Variants in NBEA observed in about 807,000 individuals in gnomAD.
The protein encoded by NBEA is lysosomal-trafficking regulator 2.
In NBEA, 44 loss-of-function variants were observed where a neutral mutation model predicts 343.4. The observed-to-expected ratio is 0.13, with a 90% CI of 0.10 to 0.16. NBEA has a LOEUF of 0.16. Among genes scored for constraint, NBEA ranks in the 10% least tolerant of loss-of-function variants. NBEA has a pLI of 1.00. For synonymous variants in NBEA, 1,175 were observed against 1,238.7 expected, an observed-to-expected ratio of 0.95 and a Z score of 1.08; for missense variants, 2,555 against 3,631.3, an observed-to-expected ratio of 0.70 and a Z score of 7.62.
intron 25 of NBEA, among the ~76,000 whole-genome samples, chr13:35,170,685 GATT>G (rs2070394372): frequency 6.6e-6 from 1 of 151,680 alleles, no homozygotes. Flanking sequence ...TAGCGATCTT[GATT>G]ATTTTTACCC....
intron 38 of NBEA, among the ~76,000 whole-genome samples, chr13:35,404,989 A>G (rs913410821): frequency 2.6e-5 from 4 of 152,126 alleles, no homozygotes; most frequent in African/African-American, 9.6e-5. Flanking sequence ...AAGATTCTAA[A>G]TAATGCAGTA....
At chr13:35,204,363 C>T (rs1172996577) in intron 31 of NBEA, among the ~76,000 whole-genome samples, 2 of 152,104 alleles carry the variant, frequency 1.3e-5, no homozygotes, top group Non-Finnish European at 2.9e-5. Context: ...GGGGAGGCCT[C>T]AGAATCATGG....
chr13:35,315,330 A>G (rs2037643399), intron 36 of NBEA, among the ~76,000 whole-genome samples: 1 of 152,192 alleles, frequency 6.6e-6, no homozygotes, highest in Non-Finnish European at 1.5e-5. Context: ...GTGCATCTGA[A>G]TTAAAGTACT....
chr13:35,470,953 T>G (rs550906090), intron 40 of NBEA, among the ~76,000 whole-genome samples: 5 of 152,326 alleles, frequency 3.3e-5, no homozygotes, highest in Admixed American at 3.3e-4. Context: ...AAAAACCTTG[T>G]GCAACCGAGG....
chr13:35,108,432 T>C (rs1409689025), intron 11 of NBEA, among the ~76,000 whole-genome samples: 3 of 152,052 alleles, frequency 2.0e-5, no homozygotes, highest in African/African-American at 7.2e-5. Flanking sequence ...AAGCCTCAGG[T>C]GCAATTTAAT....
intron 38 of NBEA, among the ~76,000 whole-genome samples, chr13:35,382,618 T>C (rs1311218355): frequency 1.3e-5 from 2 of 152,152 alleles, no homozygotes; most frequent in Admixed American, 6.6e-5. Context: ...TGAATTGTTA[T>C]CATTTCTACA....
At chr13:35,266,453 G>A (rs2033686234) in intron 34 of NBEA, among the ~76,000 whole-genome samples, 1 of 151,744 alleles carries the variant, frequency 6.6e-6, no homozygotes. Context: ...TCCATTAACA[G>A]ATTAATGGAT....
chr13:35,185,809 A>T (rs1435161320), intron 30 of NBEA: 1 of 152,148 alleles, frequency 6.6e-6, no homozygotes, highest in Non-Finnish European at 1.5e-5. Flanking sequence ...ATATTATGTG[A>T]TACTATGGCA....
chr13:35,123,420 T>C, intron 16 of NBEA, 62 bp from the exon 17 acceptor site: 1 of 812,562 alleles, frequency 1.2e-6, no homozygotes, highest in Non-Finnish European at 1.9e-6. Flanking sequence ...CTGTAAAGCA[T>C]GTAGTGTGTT....
chr13:35,081,374 T>G (rs569169107), intron 10 of NBEA, among the ~76,000 whole-genome samples: 1 of 152,346 alleles, frequency 6.6e-6, no homozygotes, highest in East Asian at 1.9e-4. Flanking sequence ...GCAACCATAC[T>G]CTGAATCTAG....
intron 10 of NBEA, among the ~76,000 whole-genome samples, chr13:35,088,834 G>C (rs868110755): frequency 2.7e-5 from 4 of 146,610 alleles, no homozygotes; most frequent in African/African-American, 1.0e-4. Context: ...AATAAATGGT[G>C]CTGGGAAAAC....
At chr13:35,547,779 C>T (rs1048441017) in intron 41 of NBEA, among the ~76,000 whole-genome samples, 1 of 152,108 alleles carries the variant, frequency 6.6e-6, no homozygotes, top group East Asian at 1.9e-4. Flanking sequence ...ATTCCAGCTA[C>T]TTGAGAGGCT....
At chr13:35,622,573 TA>T (rs1171436688) in intron 48 of NBEA, among the ~76,000 whole-genome samples, 1 of 152,234 alleles carries the variant, frequency 6.6e-6, no homozygotes, top group Non-Finnish European at 1.5e-5. Flanking sequence ...ATATTGTCTC[TA>T]CTTAAAACAG....
intron 36 of NBEA, among the ~76,000 whole-genome samples, chr13:35,344,594 A>T (rs1294601744): frequency 6.6e-6 from 1 of 152,072 alleles, no homozygotes; most frequent in Admixed American, 6.6e-5. Flanking sequence ...TATAACCAAA[A>T]CTAATTAGAA....
chr13:35,259,497 A>G (rs1447660304), intron 34 of NBEA, among the ~76,000 whole-genome samples: 2 of 152,084 alleles, frequency 1.3e-5, no homozygotes, highest in Admixed American at 6.5e-5. Context: ...ACAGACATAC[A>G]CCAGTGATGT....
intron 17 of NBEA, among the ~76,000 whole-genome samples, chr13:35,133,734 C>T (rs866616395): frequency 6.6e-6 from 1 of 151,778 alleles, no homozygotes; most frequent in African/African-American, 2.4e-5. Context: ...TTCAAAAATA[C>T]GTGAAGACAA....
At chr13:35,615,215 G>C (rs2082687370) in intron 48 of NBEA, among the ~76,000 whole-genome samples, 1 of 148,168 alleles carries the variant, frequency 6.7e-6, no homozygotes, top group Non-Finnish European at 1.5e-5. Flanking sequence ...AGAATCACTT[G>C]AGCCCAGGTG....
chr13:35,258,706 C>G (rs544738130), intron 34 of NBEA, among the ~76,000 whole-genome samples: 51 of 152,260 alleles, frequency 3.3e-4, no homozygotes, highest in Non-Finnish European at 5.7e-4. Context: ...GACTATTATA[C>G]TACATGATGA....
At chr13:35,628,726 T>G (rs2153065990) in intron 49 of NBEA, among the ~76,000 whole-genome samples, 1 of 152,276 alleles carries the variant, frequency 6.6e-6, no homozygotes, top group East Asian at 1.9e-4. Flanking sequence ...GAGACCAGCC[T>G]GGCCAATATG....
Sources: gnomAD v4.1 joint callset for allele counts (sites outside exome capture counted in the v4.1 genomes callset) on GRCh38, gnomAD v4.1.1 for gene constraint, MANE v1.5 for transcripts, NCBI Gene and HGNC (gene_info 2026-07-23, HGNC 2026-07-21) for gene names.